Variants in GRID2 observed in about 807,000 individuals in gnomAD.
GRID2 encodes the protein glutamate ionotropic receptor delta type subunit 2.
GRID2 carries 33 observed loss-of-function variants against 114.8 expected under a neutral mutation model. The observed-to-expected ratio is 0.29, with a 90% CI of 0.22 to 0.38. GRID2 has a LOEUF of 0.38. Among genes scored for constraint, GRID2 ranks in the 10% least tolerant of loss-of-function variants. The pLI is 1.00. For synonymous variants in GRID2, 505 were observed against 449.9 expected (o/e 1.12, Z -1.55); for missense variants, 1,184 against 1,257.7 (o/e 0.94, Z 0.89).
intron 2 of GRID2, among the ~76,000 whole-genome samples, chr4:92,693,485 A>G (rs1028544608): frequency 2.6e-5 from 4 of 152,152 alleles, no homozygotes; most frequent in Non-Finnish European, 5.9e-5. Context: ...GAACAAAAAT[A>G]TTTTCTCACG....
At chr4:93,618,718 T>A (rs909303362) in intron 13 of GRID2, among the ~76,000 whole-genome samples, 10 of 152,184 alleles carry the variant, frequency 6.6e-5, no homozygotes, top group African/African-American at 2.4e-4. Context: ...TCAAACTTAG[T>A]TTCTTCCTTG....
chr4:92,783,421 T>C (rs1288020050), intron 2 of GRID2, among the ~76,000 whole-genome samples: 1 of 152,136 alleles, frequency 6.6e-6, no homozygotes, highest in East Asian at 1.9e-4. Context: ...TTTAAAACTC[T>C]GAACATAATG....
intron 2 of GRID2, among the ~76,000 whole-genome samples, chr4:92,674,722 C>T (rs1733255391): frequency 6.6e-6 from 1 of 152,054 alleles, no homozygotes; most frequent in Non-Finnish European, 1.5e-5. Context: ...GGGGTTTCAC[C>T]ATCTTGGCCA....
intron 8 of GRID2, among the ~76,000 whole-genome samples, chr4:93,297,697 C>G (rs921489519): frequency 2.0e-5 from 3 of 152,128 alleles, no homozygotes; most frequent in African/African-American, 7.2e-5. Context: ...TAATGTTGTG[C>G]CAGCTACATA....
intron 8 of GRID2, among the ~76,000 whole-genome samples, chr4:93,356,944 G>T (rs898249420): frequency 4.0e-5 from 6 of 151,656 alleles, no homozygotes; most frequent in African/African-American, 1.5e-4. Flanking sequence ...AAGGACAAAT[G>T]ACTATTTGTC....
chr4:92,717,753 T>C (rs936269778), intron 2 of GRID2, among the ~76,000 whole-genome samples: 1 of 152,188 alleles, frequency 6.6e-6, no homozygotes, highest in East Asian at 1.9e-4. Flanking sequence ...AATAGTGTTT[T>C]ATTGAATAAC....
chr4:92,344,566 A>G (rs952457231), intron 1 of GRID2, among the ~76,000 whole-genome samples: 1 of 152,208 alleles, frequency 6.6e-6, no homozygotes, highest in African/African-American at 2.4e-5. Flanking sequence ...GACAGGGACA[A>G]CTATTCCTTT....
chr4:92,927,506 T>C (rs1244514845), intron 2 of GRID2, among the ~76,000 whole-genome samples: 1 of 151,706 alleles, frequency 6.6e-6, no homozygotes, highest in Non-Finnish European at 1.5e-5. Flanking sequence ...TGGGTTGCAA[T>C]AACAAAAAAA....
chr4:93,107,720 C>T (rs1732382504), intron 3 of GRID2, among the ~76,000 whole-genome samples: 1 of 151,932 alleles, frequency 6.6e-6, no homozygotes, highest in Non-Finnish European at 1.5e-5. Context: ...TCTCGAACTC[C>T]TGGCCTCAAG....
chr4:92,415,773 T>C (rs1054898077), intron 1 of GRID2, among the ~76,000 whole-genome samples: 22 of 129,366 alleles, frequency 1.7e-4, no homozygotes, highest in African/African-American at 6.3e-4. Flanking sequence ...TATATATATA[T>C]ATATATATCA....
At chr4:93,574,789 T>G (rs192079285) in intron 13 of GRID2, among the ~76,000 whole-genome samples, 23 of 152,336 alleles carry the variant, frequency 1.5e-4, no homozygotes, top group Admixed American at 1.4e-3. Context: ...AAAAACTTTA[T>G]AGTGCTTTAT....
chr4:93,754,561 A>G (rs1732591686), intron 14 of GRID2, among the ~76,000 whole-genome samples: 1 of 152,216 alleles, frequency 6.6e-6, no homozygotes, highest in African/African-American at 2.4e-5. Flanking sequence ...AGAAACAAAT[A>G]GACAGAGTGT....
At chr4:92,744,616 T>C (rs4328881) in intron 2 of GRID2, among the ~76,000 whole-genome samples, 5,341 of 152,172 alleles carry the variant, frequency 0.035, 151 homozygotes, top group East Asian at 0.12. Flanking sequence ...TCTTTCCCAA[T>C]GAATCTGGTA....
intron 2 of GRID2, among the ~76,000 whole-genome samples, chr4:92,661,427 C>A (rs536859226): frequency 7.8e-4 from 118 of 150,828 alleles, no homozygotes; most frequent in African/African-American, 2.8e-3. Flanking sequence ...TTAAATGAAA[C>A]AGCTTTACCA....
intron 1 of GRID2, among the ~76,000 whole-genome samples, chr4:92,522,432 G>A (rs577136886): frequency 6.6e-6 from 1 of 151,936 alleles, no homozygotes; most frequent in South Asian, 2.1e-4. Flanking sequence ...ATCACTGGAG[G>A]GTTTTTCAGC....
intron 1 of GRID2, among the ~76,000 whole-genome samples, chr4:92,313,194 T>C (rs1725798697): frequency 6.6e-6 from 1 of 151,722 alleles, no homozygotes; most frequent in South Asian, 2.1e-4. Context: ...TGGATGAGAT[T>C]AGAGACTATT....
intron 2 of GRID2, among the ~76,000 whole-genome samples, chr4:93,032,648 C>T (rs1438467604): frequency 1.9e-4 from 29 of 152,164 alleles, no homozygotes; most frequent in Admixed American, 1.9e-3. Flanking sequence ...CAATCCAATG[C>T]ATTTATTGTC....
At chr4:92,925,472 A>G (rs949227083) in intron 2 of GRID2, among the ~76,000 whole-genome samples, 1 of 152,120 alleles carries the variant, frequency 6.6e-6, no homozygotes, top group African/African-American at 2.4e-5. Flanking sequence ...TACTATTTTA[A>G]GAAGAGTATA....
At chr4:92,620,225 G>A (rs1730202430) in intron 2 of GRID2, among the ~76,000 whole-genome samples, 1 of 151,716 alleles carries the variant, frequency 6.6e-6, no homozygotes, top group African/African-American at 2.4e-5. Flanking sequence ...AATGGTTTGA[G>A]TGATGGAATG....
Sources: gnomAD v4.1 joint callset for allele counts (sites outside exome capture counted in the v4.1 genomes callset) on GRCh38, gnomAD v4.1.1 for gene constraint, MANE v1.5 for transcripts, NCBI Gene and HGNC (gene_info 2026-07-23, HGNC 2026-07-21) for gene names.